Variants in NCALD observed in about 807,000 individuals in gnomAD.
NCALD encodes neurocalcin delta.
NCALD carries 10 observed loss-of-function variants against 18.6 expected under a neutral mutation model. The observed-to-expected ratio is 0.54, with a 90% CI of 0.33 to 0.91. The LOEUF (loss-of-function observed/expected upper bound fraction) is 0.91, where lower values mean the gene tolerates loss of function less well. NCALD is among the 40% of genes least tolerant of loss of function. The pLI is 0.03. For missense variants in NCALD, 184 were observed against 247.6 expected, an observed-to-expected ratio of 0.74 and a Z score of 1.72; for synonymous variants, 88 against 87.4, an observed-to-expected ratio of 1.01 and a Z score of -0.04.
chr8:101,926,213 C>G (rs919654308), intron 2 of NCALD, among the ~76,000 whole-genome samples: 24 of 152,212 alleles, frequency 1.6e-4, no homozygotes, highest in Admixed American at 1.6e-3. Flanking sequence ...GGAAAGATGG[C>G]TCATGAATTC....
At chr8:102,027,559 T>TATC (rs1427540092) in intron 1 of NCALD, among the ~76,000 whole-genome samples, 1 of 152,208 alleles carries the variant, frequency 6.6e-6, no homozygotes, top group Non-Finnish European at 1.5e-5. Flanking sequence ...CAAACTTCCA[T>TATC]ATCTTCCTAT....
intron 1 of NCALD, among the ~76,000 whole-genome samples, chr8:102,081,884 G>A (rs1318521353): frequency 6.6e-6 from 1 of 152,198 alleles, no homozygotes; most frequent in Non-Finnish European, 1.5e-5. Context: ...GCAACCATTT[G>A]GTTTACCGGT....
chr8:101,998,843 G>T (rs867258947), intron 2 of NCALD, among the ~76,000 whole-genome samples: 1 of 152,000 alleles, frequency 6.6e-6, no homozygotes, highest in African/African-American at 2.4e-5. Context: ...AAAGATAAAG[G>T]TGTCCCTTTC....
chr8:101,800,697 A>G (rs1001865520), intron 4 of NCALD, among the ~76,000 whole-genome samples: 1 of 151,490 alleles, frequency 6.6e-6, no homozygotes, highest in Non-Finnish European at 1.5e-5. Flanking sequence ...TATATCACAC[A>G]AACTCTACCA....
chr8:101,964,020 T>C (rs2131862721), intron 2 of NCALD, among the ~76,000 whole-genome samples: 2 of 152,348 alleles, frequency 1.3e-5, no homozygotes, highest in East Asian at 3.9e-4. Flanking sequence ...TTATTTGTAA[T>C]GAGCTAAAAT....
chr8:101,777,507 AC>A (rs1457548685), intron 1 of NCALD, among the ~76,000 whole-genome samples: 3 of 152,158 alleles, frequency 2.0e-5, no homozygotes, highest in Non-Finnish European at 4.4e-5. Context: ...CATGTGACCC[AC>A]CTATTTTCAC....
At chr8:101,944,124 C>T (rs929354532) in intron 2 of NCALD, among the ~76,000 whole-genome samples, 2 of 152,068 alleles carry the variant, frequency 1.3e-5, no homozygotes, top group African/African-American at 2.4e-5. Context: ...TGAGGATGAC[C>T]ATGTACCAGA....
rs141701232 is a variant in NCALD, at chr8:101,815,620, C to T, written c.-20+71521G>A. On this transcript the variant is annotated intron_variant, in intron 4 of 6. Coordinates refer to the NCALD transcript ENST00000311028. ...AGATACTACAACACATCTATTAGAA[C>T]GCCCAAAATATGGAACACTGACATC... Among the ~76,000 whole-genome samples, 192 of 152,182 alleles carry T rather than the reference C, an allele frequency of 1.3e-3. 1 individual carries two copies. The highest frequency in any genetic ancestry group is 3.9e-3 in the African/African-American group (160 of 41,538).
At chr8:101,852,222 C>G (rs1010550456) in intron 4 of NCALD, among the ~76,000 whole-genome samples, 1 of 152,196 alleles carries the variant, frequency 6.6e-6, no homozygotes, top group African/African-American at 2.4e-5. Flanking sequence ...CAGGCAGTAA[C>G]TTTTCTCGAG....
At chr8:101,886,454 T>C (rs1019572649) in intron 4 of NCALD, among the ~76,000 whole-genome samples, 6 of 152,348 alleles carry the variant, frequency 3.9e-5, no homozygotes, top group African/African-American at 1.4e-4. Flanking sequence ...CTAAGCCATA[T>C]GACTTTGCCT....
At chr8:101,868,290 A>C (rs577377451) in intron 4 of NCALD, among the ~76,000 whole-genome samples, 86 of 152,036 alleles carry the variant, frequency 5.7e-4, no homozygotes, top group African/African-American at 1.9e-3. Flanking sequence ...GCCCACACTG[A>C]GCTCGCACTG....
At chr8:101,699,044 T>C (rs956355290) in intron 2 of NCALD, among the ~76,000 whole-genome samples, 3 of 147,778 alleles carry the variant, frequency 2.0e-5, no homozygotes, top group Non-Finnish European at 3.0e-5. Context: ...AGGTCTAATA[T>C]CCAGAATCTA....
At chr8:101,993,722 C>T (rs1296716999) in intron 2 of NCALD, among the ~76,000 whole-genome samples, 1 of 152,184 alleles carries the variant, frequency 6.6e-6, no homozygotes, top group African/African-American at 2.4e-5. Context: ...ACATACTGCA[C>T]TTTCACAAGC....
chr8:102,003,206 C>T lies in NCALD; in HGVS notation c.-157+17031G>A, dbSNP rs550339680. 2.4e-3 allele frequency among the ~76,000 whole-genome samples: 368 copies of T among 152,130 alleles called. 2 individuals are homozygous for T. The highest frequency in any genetic ancestry group is 3.8e-3 in the African/African-American group (157 of 41,492). ...AAAATGATAAAGGGGATATCACCAC[C>T]GATCCCACAGAAATACAAACTACCA... is the stretch of plus-strand genomic sequence containing the variant. On this transcript the variant is annotated intron_variant, in intron 2 of 6. Coordinates refer to the NCALD transcript ENST00000311028.
At chr8:101,802,331 T>C (rs1812899997) in intron 4 of NCALD, among the ~76,000 whole-genome samples, 1 of 152,068 alleles carries the variant, frequency 6.6e-6, no homozygotes, top group Non-Finnish European at 1.5e-5. Flanking sequence ...GGAGCTTCCC[T>C]ATTCCCCGAG....
At chr8:101,712,039 T>A (rs538990215) in intron 2 of NCALD, among the ~76,000 whole-genome samples, 147 of 152,236 alleles carry the variant, frequency 9.7e-4, no homozygotes, top group Non-Finnish European at 1.8e-3. Flanking sequence ...GGGTTACCCA[T>A]AAAGGAAGCC....
chr8:101,767,300 A>G (rs1240667564), intron 1 of NCALD, among the ~76,000 whole-genome samples: 1 of 152,254 alleles, frequency 6.6e-6, no homozygotes, highest in Non-Finnish European at 1.5e-5. Context: ...TAACTGGCAT[A>G]GAGTAAATAT....
chr8:102,117,941 A>C (rs978966809), intron 1 of NCALD, among the ~76,000 whole-genome samples: 8 of 152,216 alleles, frequency 5.3e-5, no homozygotes, highest in Non-Finnish European at 1.0e-4. Context: ...ATTATTTGTC[A>C]GTCTTCAGAT....
intron 2 of NCALD, among the ~76,000 whole-genome samples, chr8:102,005,485 TA>T (rs1339298310): frequency 1.3e-5 from 2 of 152,184 alleles, no homozygotes; most frequent in East Asian, 3.9e-4. Flanking sequence ...CTCAGGGATC[TA>T]GAACTAGAAA....
Sources: gnomAD v4.1 joint callset for allele counts (sites outside exome capture counted in the v4.1 genomes callset) on GRCh38, gnomAD v4.1.1 for gene constraint, MANE v1.5 for transcripts, NCBI Gene and HGNC (gene_info 2026-07-23, HGNC 2026-07-21) for gene names.